ERBB2: variants seen among roughly 807,000 people sequenced by gnomAD.
ERBB2 encodes the protein erb-b2 receptor tyrosine kinase 2, also known as receptor tyrosine-protein kinase erbB-2.
In ERBB2, 61 loss-of-function variants were observed where a neutral mutation model predicts 149.0. The ratio of observed to expected loss-of-function variants is 0.41; its 90% confidence interval spans 0.33 to 0.51. The LOEUF is 0.51. ERBB2 is among the 20% of genes least tolerant of loss of function. ERBB2 has a pLI of 0.25. For missense variants in ERBB2, 1,205 were observed against 1,655.1 expected (o/e 0.73, Z 4.72); for synonymous variants, 633 against 678.8 (o/e 0.93, Z 1.05).
rs2143248581 is a variant in ERBB2, at chr17:39,727,441, C to A, written c.3306C>A (p.Pro1102=). 6.2e-7 allele frequency: 1 copy of A among 1,611,356 alleles called. No homozygotes were observed. Residue 1102 remains proline, a synonymous_variant, in exon 26 of 27, where the codon CCC becomes CCA. Transcript: ENST00000269571. The surrounding 1 kb of genome is among the most constrained non-coding windows in gnomAD (Gnocchi z 4.3). ...MGAAKGLQSL[P]THDPSPLQRY... is the part of the protein sequence containing the mutation. ...CAGCCAAGGGGCTGCAAAGCCTCCC[C>A]ACACATGACCCCAGCCCTCTACAGC...
chr17:39,707,047 A>T lies in ERBB2; in HGVS notation c.131A>T (p.Asp44Val), dbSNP rs1311415529. The change falls in exon 2 of 27, where the codon GAC becomes GTC. Residue 44 changes from aspartate to valine, a missense_variant. By Grantham distance (152) the Asp-to-Val change is radical. This residue lies in a region of ERBB2 where 101 missense variants were observed against 95.1 expected (regional missense o/e 1.06). Transcript: ENST00000269571. ...CCTGCCAGTCCCGAGACCCACCTGG[A>T]CATGCTCCGCCACCTCTACCAGGGC... The part of the protein sequence containing the change: ...RLPASPETHL[D>V]MLRHLYQGCQ... The T allele has an allele frequency of 3.7e-6, 6 of 1,607,204 alleles. No individual in the cohort carries two copies.
chr17:39,726,730 AT>A lies in ERBB2; in HGVS notation c.2970+72del. ...CTCCTGCAGAGGGTGGGAAGGAGAGATGAGTCCAGTATGCCAGGCCCCTCAC... is the reference window on the plus strand; with the variant it reads ...CTCCTGCAGAGGGTGGGAAGGAGAGAGAGTCCAGTATGCCAGGCCCCTCAC... On this transcript the variant is annotated intron_variant, in intron 24 of 26. Transcript: ENST00000269571. The surrounding 1 kb of genome is among the most constrained non-coding windows in gnomAD (Gnocchi z 5.1). 1 of 1,591,994 alleles carries A rather than the reference AT, an allele frequency of 6.3e-7. No homozygotes were observed. The highest frequency in any genetic ancestry group is 1.1e-5 in the South Asian group (1 of 90,662).
In ERBB2 at chr17:39,726,807, C is replaced by T. The variant is rs2143166033; in HGVS notation, c.2971-8C>T. ...GGGGCCACCATCCTGCCTCTCCTTC[C>T]TCCACAGAATGAGGACTTGGGCCCA... On this transcript the variant is annotated splice_region_variant and splice_polypyrimidine_tract_variant and intron_variant, in intron 24 of 26. Transcript: ENST00000269571. The surrounding 1 kb of genome is among the most constrained non-coding windows in gnomAD (Gnocchi z 5.1). 6.2e-7 allele frequency: 1 copy of T among 1,609,458 alleles called. No homozygotes were observed. Among genetic ancestry groups the T allele is most frequent in the East Asian group, 2.2e-5 (1 of 44,814 alleles).
upstream of ERBB2, among the ~76,000 whole-genome samples, chr17:39,697,494 T>G (rs1222774283): frequency 1.3e-5 from 2 of 151,868 alleles, no homozygotes; most frequent in Non-Finnish European, 2.9e-5. Flanking sequence ...GTAGCTGGGA[T>G]TACAGGCATG....
rs753844976 is a variant in ERBB2 at position 39,716,453 on chromosome 17, G to T, written c.1646+20G>T. On this transcript the variant is annotated intron_variant, in intron 13 of 26. Transcript: ENST00000269571. ...GCAGGGGTATGAGGGGCGGAGGAGA[G>T]GGTGGCTGGAGGGGTGCATGGGGCT... is the stretch of plus-strand genomic sequence containing the variant. The T allele has an allele frequency of 1.2e-6, 2 of 1,612,846 alleles. No individual in the cohort carries two copies. Among genetic ancestry groups the T allele is most frequent in the South Asian group, 2.2e-5 (2 of 91,052 alleles).
chr17:39,699,399 T>C, upstream of ERBB2: 1 of 594,286 alleles, frequency 1.7e-6, no homozygotes, highest in South Asian at 2.1e-5. Flanking sequence ...AGGCAGAGGT[T>C]GTGGTGAGCA....
upstream of ERBB2, among the ~76,000 whole-genome samples, chr17:39,691,556 A>AAAAT (rs573116217): frequency 1.5e-4 from 13 of 84,200 alleles, no homozygotes; most frequent in Non-Finnish European, 3.0e-4. Flanking sequence ...TAAAAAAAAA[A>AAAAT]ATATATATAT....
rs1295964778 is a variant in ERBB2 at position 39,700,196 on chromosome 17, C to G, written c.-43C>G. The G allele has an allele frequency of 1.4e-6, 2 of 1,399,200 alleles. No homozygotes were observed. Among genetic ancestry groups the G allele is most frequent in the Non-Finnish European group, 1.8e-6 (2 of 1,081,616 alleles). The allele number at this position is 1,399,200 out of a possible 1,614,324, so 86.7% of individuals were successfully genotyped here. On this transcript the variant is annotated 5_prime_UTR_variant, in exon 1 of 27. Coordinates refer to ENST00000269571, the MANE Select transcript of ERBB2 (RefSeq NM_004448.4). ...ACCCCGCGCCCCGCGCCCTCCCAGC[C>G]GGGTCCAGCCGGAGCCATGGGGCCG... is the stretch of plus-strand genomic sequence containing the variant.
chr17:39,726,289 C>G lies in ERBB2; in HGVS notation c.2873-273C>G. 2.0e-6 allele frequency: 1 copy of G among 497,184 alleles called. No individual in the cohort carries two copies. Among genetic ancestry groups the G allele is most frequent in the South Asian group, 2.4e-5 (1 of 41,150 alleles). 30.8% of individuals were successfully genotyped at this position (497,184 alleles called of 1,614,324 possible). On this transcript the variant is annotated intron_variant, in intron 23 of 26. Coordinates refer to ENST00000269571, the MANE Select transcript of ERBB2 (RefSeq NM_004448.4). The surrounding 1 kb of genome is among the most constrained non-coding windows in gnomAD (Gnocchi z 5.1). ...TTAAGGTTGCAGTAAGCTATGATTG[C>G]ACCACTGAAATCCAGCCTGGGTGAC...
chr17:39,702,942 A>G (rs1385088810), intron 1 of ERBB2, among the ~76,000 whole-genome samples: 7 of 152,252 alleles, frequency 4.6e-5, no homozygotes, highest in Non-Finnish European at 5.9e-5. Flanking sequence ...CCAGCCAACA[A>G]TAATGGGTTG....
At chr17:39,696,680 A>G (rs2057871156), upstream of ERBB2, 1 of 152,342 alleles carries the variant, frequency 6.6e-6, no homozygotes, top group African/African-American at 2.4e-5. Flanking sequence ...AAAATGGGGA[A>G]TGATAACACC....
chr17:39,697,354 G>GTTTTTTTTTTTTT (rs60262818), upstream of ERBB2, among the ~76,000 whole-genome samples: 15 of 122,114 alleles, frequency 1.2e-4, no homozygotes, highest in Non-Finnish European at 1.4e-4. Context: ...TTTTTGTTTT[G>GTTTTTTTTTTTTT]TTTTTTTTTT....
At chr17:39,693,745 G>A (rs1238155088), upstream of ERBB2, among the ~76,000 whole-genome samples, 1 of 150,250 alleles carries the variant, frequency 6.7e-6, no homozygotes, top group East Asian at 1.9e-4. Flanking sequence ...ACAACAGAGC[G>A]AGACTCCATC....
rs1597884693 is a variant in ERBB2, at chr17:39,723,719, T to G, written c.2208+59T>G. On this transcript the variant is annotated intron_variant, in intron 18 of 26. Coordinates refer to ENST00000269571, the MANE Select transcript of ERBB2 (RefSeq NM_004448.4). This position sits in a 1 kb window ranked among gnomAD's most constrained non-coding sequence, Gnocchi z 6.2. Reference sequence around the variant, plus strand: ...AGGATGGGGGCGGTGCCTGGAGGGGTGTGGTCGGCAGTTCTGATGGGAGGG... The same window carrying G: ...AGGATGGGGGCGGTGCCTGGAGGGGGGTGGTCGGCAGTTCTGATGGGAGGG... The G allele has an allele frequency of 1.3e-6, 2 of 1,565,410 alleles. No individual in the cohort carries two copies. The highest frequency in any genetic ancestry group is 1.7e-6 in the Non-Finnish European group (2 of 1,154,608).
At chr17:39,689,000 C>T in intron 2 of ERBB2, among the ~76,000 whole-genome samples, 1 of 152,146 alleles carries the variant, frequency 6.6e-6, no homozygotes, top group East Asian at 1.9e-4. Context: ...CTCACCTCCC[C>T]TGCACTCCCA....
rs2143339118 is a variant in ERBB2 at position 39,728,513 on chromosome 17, T to C, written c.*469T>C. ...ATCCAGGCTTTGTACAGAGTGCTTT[T>C]CTGTTTAGTTTTTACTTTTTTTGTT... On this transcript the variant is annotated 3_prime_UTR_variant, in exon 27 of 27. Coordinates refer to ENST00000269571, the MANE Select transcript of ERBB2 (RefSeq NM_004448.4). The C allele has an allele frequency of 4.2e-6, 1 of 238,922 alleles. No homozygotes were observed. Among genetic ancestry groups the C allele is most frequent in the African/African-American group, 2.2e-5 (1 of 45,666 alleles). 14.8% of individuals were successfully genotyped at this position (238,922 alleles called of 1,614,324 possible).
At chr17:39,722,349 A>T (rs987522753) in intron 16 of ERBB2, among the ~76,000 whole-genome samples, 1 of 152,064 alleles carries the variant, frequency 6.6e-6, no homozygotes, top group African/African-American at 2.4e-5. Flanking sequence ...CAAAAAATAA[A>T]AAAACTAGCT....
upstream of ERBB2, among the ~76,000 whole-genome samples, chr17:39,694,292 CATATATATGTGTATATATATAT>C (rs2057806555): frequency 5.1e-5 from 2 of 38,862 alleles, no homozygotes; most frequent in African/African-American, 1.7e-4. Context: ...TATATATACA[CATATATATGTGTATATATATAT>C]ACACACACAC....
chr17:39,719,122 G>T (rs190227388), intron 15 of ERBB2, among the ~76,000 whole-genome samples: 1 of 152,054 alleles, frequency 6.6e-6, no homozygotes, highest in Non-Finnish European at 1.5e-5. Context: ...TTAGCCAGGC[G>T]TGGTGGTGGG....
Sources: gnomAD v4.1 joint callset for allele counts (sites outside exome capture counted in the v4.1 genomes callset) on GRCh38, gnomAD v4.1.1 for gene constraint, gnomAD v4.1.1 regional missense constraint, Gnocchi (gnomAD v3.1) non-coding constraint, MANE v1.5 for transcripts, NCBI Gene and HGNC (gene_info 2026-07-23, HGNC 2026-07-21) for gene names.